Variants in ZNRF1 observed in about 807,000 individuals in gnomAD.
The protein encoded by ZNRF1 is zinc and ring finger 1, also known as E3 ubiquitin-protein ligase ZNRF1.
Under a neutral mutation model 18.4 loss-of-function variants are expected in ZNRF1, and 3 were observed. The observed-to-expected ratio is 0.16, with a 90% CI of 0.07 to 0.42. ZNRF1 has a LOEUF of 0.42. Among genes scored for constraint, ZNRF1 ranks in the 10% least tolerant of loss-of-function variants. ZNRF1 has a pLI of 0.99. For missense variants in ZNRF1, 310 were observed against 329.8 expected (o/e 0.94, Z 0.47); for synonymous variants, 157 against 144.2 (o/e 1.09, Z -0.64).
chr16:75,072,806 AGCAGGT>A (rs1264679264), intron 1 of ZNRF1, among the ~76,000 whole-genome samples: 5 of 152,274 alleles, frequency 3.3e-5, no homozygotes, highest in African/African-American at 1.2e-4. Context: ...CCCAATTGGA[AGCAGGT>A]GGCCCTGTGA....
rs573680552 is a variant in ZNRF1, at chr16:75,090,152, C to A, written c.425-3420C>A. Among the ~76,000 whole-genome samples the A allele has an allele frequency of 1.1e-4, 17 of 152,280 alleles. No homozygotes were observed. The East Asian group carries it at 3.3e-3, about 29-fold the overall frequency. ...CCTTGGTCTTTGGGGTTGAAAAAAA[C>A]CCCATGTGAGTGCAGAGGGACTTAG... On this transcript the variant is annotated intron_variant, in intron 1 of 4. Transcript: ENST00000335325.
chr16:75,084,910 G>A (rs2036056266), intron 1 of ZNRF1, among the ~76,000 whole-genome samples: 1 of 152,230 alleles, frequency 6.6e-6, no homozygotes, highest in Non-Finnish European at 1.5e-5. Flanking sequence ...GTTGGAAGAA[G>A]TTTAACTTAT....
chr16:75,068,246 C>T (rs2035828246), intron 1 of ZNRF1, among the ~76,000 whole-genome samples: 1 of 149,984 alleles, frequency 6.7e-6, no homozygotes, highest in South Asian at 2.1e-4. Flanking sequence ...CACCTGTAGT[C>T]TCAGCTACTC....
At chr16:75,001,257 T>A (rs1272120628) in intron 1 of ZNRF1, among the ~76,000 whole-genome samples, 1 of 152,134 alleles carries the variant, frequency 6.6e-6, no homozygotes, top group Non-Finnish European at 1.5e-5. Flanking sequence ...AGGGTTGACT[T>A]TTGGGGTATC....
At chr16:75,013,712 G>T (rs2035029509) in intron 1 of ZNRF1, among the ~76,000 whole-genome samples, 1 of 152,176 alleles carries the variant, frequency 6.6e-6, no homozygotes. Context: ...AAAAGTCAGA[G>T]ATTTGTGCTA....
chr16:75,046,186 T>C (rs185678115), intron 1 of ZNRF1, among the ~76,000 whole-genome samples: 185 of 151,272 alleles, frequency 1.2e-3, no homozygotes, highest in Non-Finnish European at 2.2e-3. Flanking sequence ...TTATTACATG[T>C]GTGAGCCACC....
At chr16:75,058,901 T>G (rs2035702114) in intron 1 of ZNRF1, among the ~76,000 whole-genome samples, 1 of 152,178 alleles carries the variant, frequency 6.6e-6, no homozygotes, top group Non-Finnish European at 1.5e-5. Context: ...GTGTTTTCCT[T>G]GGACTGTTGA....
chr16:75,000,566 C>G (rs1294114448), intron 1 of ZNRF1, among the ~76,000 whole-genome samples: 1 of 152,234 alleles, frequency 6.6e-6, no homozygotes, highest in African/African-American at 2.4e-5. Flanking sequence ...AGGGCTCTCA[C>G]TCTTGCTGGG....
At chr16:75,053,612 A>T (rs2145377827) in intron 1 of ZNRF1, among the ~76,000 whole-genome samples, 1 of 148,110 alleles carries the variant, frequency 6.8e-6, no homozygotes, top group East Asian at 2.0e-4. Flanking sequence ...AAAAAAAAAA[A>T]TCACCAATGT....
At chr16:75,065,701 G>T (rs1045885263) in intron 1 of ZNRF1, among the ~76,000 whole-genome samples, 3 of 152,168 alleles carry the variant, frequency 2.0e-5, no homozygotes, top group African/African-American at 7.2e-5. Context: ...AAGCATGAAT[G>T]GGTTTTGTTT....
At chr16:75,030,330 A>G (rs923565364) in intron 1 of ZNRF1, among the ~76,000 whole-genome samples, 7 of 152,190 alleles carry the variant, frequency 4.6e-5, no homozygotes, top group Non-Finnish European at 2.9e-5. Context: ...ATGGAAAAGA[A>G]TGTGGTTTGG....
At chr16:75,059,628 C>G (rs2035718250) in intron 1 of ZNRF1, among the ~76,000 whole-genome samples, 1 of 152,024 alleles carries the variant, frequency 6.6e-6, no homozygotes, top group South Asian at 2.1e-4. Flanking sequence ...CAAAAAGACT[C>G]CCATCTATCT....
intron 1 of ZNRF1, among the ~76,000 whole-genome samples, chr16:75,081,577 A>G (rs1174624256): frequency 6.6e-6 from 1 of 152,228 alleles, no homozygotes. Flanking sequence ...AAACGCTAGA[A>G]GTCCACACCA....
chr16:75,005,638 C>G (rs998580595), intron 1 of ZNRF1, among the ~76,000 whole-genome samples: 29 of 152,190 alleles, frequency 1.9e-4, no homozygotes, highest in African/African-American at 6.8e-4. Flanking sequence ...AGTACCTCAC[C>G]TGAACCCTAT....
Position 75,040,662 on chromosome 16 carries a change from A to G in ZNRF1, c.424+40567A>G, listed in dbSNP as rs375004623. ...GCTCTTGTTGCCCAGGCTGGAGTGC[A>G]GTGGCGCAATCTCGGCTCACTGCAA... On this transcript the variant is annotated intron_variant, in intron 1 of 4. Coordinates refer to ENST00000335325, the MANE Select transcript of ZNRF1 (RefSeq NM_032268.5). Among the ~76,000 whole-genome samples, 138 of 122,282 alleles carry G rather than the reference A, an allele frequency of 1.1e-3. 4 individuals are homozygous for G. In the South Asian group the frequency reaches 0.03, roughly 27 times the overall value. 80.2% of individuals were successfully genotyped at this position (122,282 alleles called of 152,430 possible).
intron 1 of ZNRF1, among the ~76,000 whole-genome samples, chr16:75,031,517 G>C (rs921306445): frequency 6.6e-6 from 1 of 151,570 alleles, no homozygotes; most frequent in African/African-American, 2.4e-5. Context: ...TGTTTGTTTT[G>C]TTTGTTTTGA....
chr16:75,100,490 C>T (rs900768899), intron 2 of ZNRF1, among the ~76,000 whole-genome samples: 4 of 152,204 alleles, frequency 2.6e-5, no homozygotes, highest in African/African-American at 9.6e-5. Context: ...CTGCCTCTCC[C>T]TTCCCTGAAT....
chr16:75,097,420 G>C (rs2036212170), intron 2 of ZNRF1, among the ~76,000 whole-genome samples: 1 of 152,176 alleles, frequency 6.6e-6, no homozygotes, highest in African/African-American at 2.4e-5. Context: ...TGGGGGAGCA[G>C]AAGCCCATGC....
chr16:75,104,200 C>G (rs2036286442), intron 2 of ZNRF1: 1 of 152,254 alleles, frequency 6.6e-6, no homozygotes, highest in South Asian at 2.1e-4. Flanking sequence ...GTGGTTCTTC[C>G]TTTTCTTGGC....
Sources: allele counts gnomAD v4.1 joint callset (sites outside exome capture counted in the v4.1 genomes callset), GRCh38; gene constraint gnomAD v4.1.1; transcripts MANE v1.5; gene names NCBI Gene and HGNC (gene_info 2026-07-23, HGNC 2026-07-21).